CRPPA: variants seen among roughly 807,000 people sequenced by gnomAD.
CRPPA encodes the protein CDP-L-ribitol pyrophosphorylase A.
Under a neutral mutation model 52.0 loss-of-function variants are expected in CRPPA, and 43 were observed. That is an observed-to-expected ratio of 0.83 (90% confidence interval 0.65 to 1.07). The LOEUF (loss-of-function observed/expected upper bound fraction) is 1.07. Among genes scored for constraint, CRPPA ranks in the 50% least tolerant of loss-of-function variants. The pLI is 0.00. For synonymous variants in CRPPA, 250 were observed against 203.5 expected, an observed-to-expected ratio of 1.23 and a Z score of -1.94; for missense variants, 629 against 551.7, an observed-to-expected ratio of 1.14 and a Z score of -1.40.
chr7:16,331,648 G>A (rs1444192314), intron 3 of CRPPA, among the ~76,000 whole-genome samples: 1 of 152,098 alleles, frequency 6.6e-6, no homozygotes, highest in African/African-American at 2.4e-5. Flanking sequence ...GTAGGTAGGT[G>A]GAACTCTTAA....
chr7:16,385,265 A>G (rs1008322980), intron 2 of CRPPA, among the ~76,000 whole-genome samples: 1 of 152,280 alleles, frequency 6.6e-6, no homozygotes, highest in East Asian at 1.9e-4. Context: ...ATGACTGGTA[A>G]CCTCACAAAA....
chr7:16,414,350 A>ACACACAC (rs1788139785), intron 1 of CRPPA, among the ~76,000 whole-genome samples: 1 of 138,658 alleles, frequency 7.2e-6, no homozygotes, highest in Admixed American at 7.4e-5. Flanking sequence ...CCCCTACCCC[A>ACACACAC]ACACACACAC....
At chr7:16,222,448 A>T (rs1782541044) in intron 8 of CRPPA, among the ~76,000 whole-genome samples, 1 of 143,110 alleles carries the variant, frequency 7.0e-6, no homozygotes, top group African/African-American at 3.0e-5. Context: ...GTATAATTAA[A>T]AAAAAAAAAG....
intron 5 of CRPPA, among the ~76,000 whole-genome samples, chr7:16,286,563 T>TCAACGGATC (rs1554310237): frequency 1.4e-4 from 1 of 7,352 alleles, no homozygotes; most frequent in Non-Finnish European, 2.5e-4. Context: ...TACTCATCAA[T>TCAACGGATC]TCCTACCAAT....
At chr7:16,125,929 A>G (rs1210436084) in intron 9 of CRPPA, among the ~76,000 whole-genome samples, 2 of 150,532 alleles carry the variant, frequency 1.3e-5, no homozygotes, top group Admixed American at 6.6e-5. Flanking sequence ...ACACACACAC[A>G]CACACAAATA....
chr7:16,285,220 C>A (rs999467903), intron 5 of CRPPA, among the ~76,000 whole-genome samples: 4 of 152,030 alleles, frequency 2.6e-5, no homozygotes, highest in Non-Finnish European at 5.9e-5. Context: ...AGGGGAACCA[C>A]AAAATCATTT....
chr7:16,232,112 G>A (rs1782813799), intron 8 of CRPPA, among the ~76,000 whole-genome samples: 2 of 152,170 alleles, frequency 1.3e-5, no homozygotes, highest in Admixed American at 6.5e-5. Flanking sequence ...GAACTGATCT[G>A]TGCACCTATG....
At chr7:16,199,529 T>C (rs978085317) in intron 9 of CRPPA, among the ~76,000 whole-genome samples, 2 of 152,182 alleles carry the variant, frequency 1.3e-5, no homozygotes, top group African/African-American at 4.8e-5. Flanking sequence ...GTACTAACTC[T>C]GCGGGATGAG....
chr7:16,345,322 T>C (rs562641427), intron 3 of CRPPA, among the ~76,000 whole-genome samples: 24 of 152,318 alleles, frequency 1.6e-4, no homozygotes, highest in African/African-American at 5.8e-4. Context: ...AATCTGTTGC[T>C]AGTCAACCTG....
intron 4 of CRPPA, among the ~76,000 whole-genome samples, chr7:16,302,103 T>A (rs1784799716): frequency 6.6e-6 from 1 of 152,096 alleles, no homozygotes; most frequent in Non-Finnish European, 1.5e-5. Context: ...GAGACCATCT[T>A]AGATAACACG....
intron 8 of CRPPA, among the ~76,000 whole-genome samples, chr7:16,244,344 A>T (rs1383496711): frequency 1.3e-5 from 2 of 152,216 alleles, no homozygotes; most frequent in Admixed American, 6.5e-5. Flanking sequence ...AAATCCAATT[A>T]TGCTAGATAC....
Position 16,226,440 on chromosome 7 carries a change from AT to A in CRPPA, c.1120-10244del, listed in dbSNP as rs200951679. ...CAACTTAACATTTTATTTTGAACAG[AT>A]TTTTTTTTCCATGAAGGTACATCAT... On this transcript the variant is annotated intron_variant, in intron 8 of 9. Transcript: ENST00000407010. 3.6e-3 allele frequency among the ~76,000 whole-genome samples: 544 copies of A among 151,404 alleles called. 7 individuals carry two copies. Among genetic ancestry groups the A allele is most frequent in the Admixed American group, 0.025 (380 of 15,182 alleles).
chr7:16,403,047 T>A (rs1787861602), intron 2 of CRPPA, among the ~76,000 whole-genome samples: 1 of 152,072 alleles, frequency 6.6e-6, no homozygotes, highest in Non-Finnish European at 1.5e-5. Flanking sequence ...CAAATTACTT[T>A]CAAAGGATTA....
intron 9 of CRPPA, among the ~76,000 whole-genome samples, chr7:16,147,350 T>C (rs979103715): frequency 6.6e-6 from 1 of 152,192 alleles, no homozygotes; most frequent in Non-Finnish European, 1.5e-5. Flanking sequence ...TTTACCTCTA[T>C]CCCTTCTATA....
At position 16,303,490 on chromosome 7, in the gene CRPPA, A is replaced by AC. The variant is rs1264128557; in HGVS notation, c.790-2025_790-2024insG. 2.4e-3 allele frequency among the ~76,000 whole-genome samples: 354 copies of AC among 147,058 alleles called. 12 individuals carry two copies. Among genetic ancestry groups the AC allele is most frequent in the Middle Eastern group, 3.4e-3 (1 of 292 alleles). On this transcript the variant is annotated intron_variant, in intron 4 of 9. Coordinates refer to ENST00000407010, the MANE Select transcript of CRPPA (RefSeq NM_001101426.4). The stretch of plus-strand genomic sequence containing the variant: ...GACATAAAATAGTAAAAAAAAAAAA[A>AC]AAAAAAAAAAAAACTTTCAGAACAC...
chr7:16,188,379 G>C (rs1781546354), intron 9 of CRPPA, among the ~76,000 whole-genome samples: 2 of 152,128 alleles, frequency 1.3e-5, no homozygotes, highest in Admixed American at 1.3e-4. Context: ...TAAATACATA[G>C]TTCAATGATA....
chr7:16,400,368 C>T (rs952767812), intron 2 of CRPPA, among the ~76,000 whole-genome samples: 1 of 152,166 alleles, frequency 6.6e-6, no homozygotes, highest in Admixed American at 6.5e-5. Flanking sequence ...ATGACCAACA[C>T]GTTTGTGACA....
intron 9 of CRPPA, among the ~76,000 whole-genome samples, chr7:16,143,657 A>G (rs1734008819): frequency 6.6e-6 from 1 of 152,218 alleles, no homozygotes; most frequent in Non-Finnish European, 1.5e-5. Flanking sequence ...GCACTAGTGT[A>G]CCAAGTATCA....
At chr7:16,175,169 A>T (rs1483580957) in intron 9 of CRPPA, among the ~76,000 whole-genome samples, 1 of 152,200 alleles carries the variant, frequency 6.6e-6, no homozygotes, top group African/African-American at 2.4e-5. Flanking sequence ...TAAAGTTTTA[A>T]AACTGGACAA....
Sources: gnomAD v4.1 joint callset for allele counts (sites outside exome capture counted in the v4.1 genomes callset) on GRCh38, gnomAD v4.1.1 for gene constraint, MANE v1.5 for transcripts, NCBI Gene and HGNC (gene_info 2026-07-23, HGNC 2026-07-21) for gene names.